Variants in NAV2 observed in about 807,000 individuals in gnomAD.
NAV2 encodes neuron navigator 2, also known as helicase, APC down-regulated 1.
NAV2 carries 54 observed loss-of-function variants against 223.2 expected under a neutral mutation model. That is an observed-to-expected ratio of 0.24 (90% CI 0.19 to 0.30). NAV2 has a LOEUF of 0.30. NAV2 is among the 10% of genes least tolerant of loss of function. The pLI is 1.00. For missense variants in NAV2, 2,806 were observed against 3,147.5 expected (o/e 0.89, Z 2.60); for synonymous variants, 1,279 against 1,239.3 (o/e 1.03, Z -0.67).
intron 1 of NAV2, among the ~76,000 whole-genome samples, chr11:19,370,972 G>A (rs527869772): frequency 2.1e-4 from 32 of 152,218 alleles, no homozygotes; most frequent in Non-Finnish European, 3.4e-4. Context: ...GAAGGTCAGA[G>A]ATGGAGGTTC....
chr11:19,655,853 T>A (rs1166659882), intron 1 of NAV2, among the ~76,000 whole-genome samples: 3 of 151,942 alleles, frequency 2.0e-5, no homozygotes, highest in African/African-American at 7.3e-5. Flanking sequence ...GTAACAAACC[T>A]GCACGTTGTG....
chr11:19,829,734 C>G (rs2059826154), intron 1 of NAV2, among the ~76,000 whole-genome samples: 1 of 152,172 alleles, frequency 6.6e-6, no homozygotes, highest in Non-Finnish European at 1.5e-5. Context: ...CCCCAATTGC[C>G]TTCACTTCCT....
chr11:19,762,581 G>A (rs1448134156), intron 1 of NAV2, among the ~76,000 whole-genome samples: 1 of 150,838 alleles, frequency 6.6e-6, no homozygotes, highest in Non-Finnish European at 1.5e-5. Flanking sequence ...TTGGGTATCA[G>A]CATAGCTGTT....
intron 4 of NAV2, among the ~76,000 whole-genome samples, chr11:19,877,630 G>A (rs757118263): frequency 2.6e-5 from 4 of 151,540 alleles, no homozygotes; most frequent in South Asian, 4.2e-4. Flanking sequence ...CCGCCACCAC[G>A]CCCGGCTAAT....
At chr11:19,763,463 G>A (rs745720313) in intron 1 of NAV2, among the ~76,000 whole-genome samples, 1 of 151,552 alleles carries the variant, frequency 6.6e-6, no homozygotes, top group Admixed American at 6.6e-5. Flanking sequence ...CCCACGGTGT[G>A]GAGTCAGGGC....
At chr11:19,382,299 T>G (rs1212427626) in intron 1 of NAV2, among the ~76,000 whole-genome samples, 1 of 152,188 alleles carries the variant, frequency 6.6e-6, no homozygotes, top group East Asian at 1.9e-4. Flanking sequence ...TCTTTTTCTT[T>G]CGGCCCATGC....
chr11:19,642,825 G>T (rs956695441), intron 1 of NAV2, among the ~76,000 whole-genome samples: 13 of 152,206 alleles, frequency 8.5e-5, no homozygotes, highest in African/African-American at 3.1e-4. Context: ...CATGGCTCCT[G>T]GGAAATGATT....
intron 1 of NAV2, among the ~76,000 whole-genome samples, chr11:19,728,284 A>T (rs2051420484): frequency 6.6e-6 from 1 of 152,224 alleles, no homozygotes; most frequent in South Asian, 2.1e-4. Context: ...AGCAAGCTTC[A>T]TGACTCTGGG....
chr11:19,448,093 A>G (rs1233607917), intron 1 of NAV2, among the ~76,000 whole-genome samples: 1 of 152,180 alleles, frequency 6.6e-6, no homozygotes, highest in East Asian at 1.9e-4. Context: ...GGAGGCAGAC[A>G]TGGAAACAGA....
At chr11:19,379,849 C>T (rs1848775461) in intron 1 of NAV2, among the ~76,000 whole-genome samples, 1 of 152,158 alleles carries the variant, frequency 6.6e-6, no homozygotes, top group African/African-American at 2.4e-5. Context: ...CAGTGTCTTC[C>T]CAGGAAGCAT....
intron 12 of NAV2, among the ~76,000 whole-genome samples, chr11:20,043,566 C>T (rs578017028): frequency 6.6e-5 from 10 of 152,224 alleles, no homozygotes; most frequent in African/African-American, 1.2e-4. Context: ...CTCAACCACC[C>T]GAGTGGGTAG....
chr11:19,912,348 T>C (rs555525059), intron 6 of NAV2, among the ~76,000 whole-genome samples: 55 of 152,372 alleles, frequency 3.6e-4, no homozygotes, highest in African/African-American at 1.3e-3. Context: ...CCCACAGCTT[T>C]GAGCAAATGT....
rs537669142 is a variant in NAV2 at position 20,012,076 on chromosome 11, A to G, written c.2769-23883A>G. ...TGGGGCTACCCTGAACCATTCACAT[A>G]CTTTTTCTATCCGTACTCCATTGTT... On this transcript the variant is annotated intron_variant, in intron 11 of 37. Transcript: ENST00000349880. Among the ~76,000 whole-genome samples, 14 of 152,296 alleles carry G rather than the reference A, an allele frequency of 9.2e-5. No homozygotes were observed. In the South Asian group the frequency reaches 2.9e-3, roughly 32 times the overall value.
chr11:19,699,816 G>A (rs1590110636), intron 1 of NAV2, among the ~76,000 whole-genome samples: 1 of 152,188 alleles, frequency 6.6e-6, no homozygotes, highest in South Asian at 2.1e-4. Context: ...CTCCTGGCCT[G>A]CAAAACTGCA....
intron 1 of NAV2, among the ~76,000 whole-genome samples, chr11:19,779,316 G>A (rs185982362): frequency 1.3e-5 from 2 of 152,326 alleles, no homozygotes; most frequent in South Asian, 2.1e-4. Context: ...CTGCCCCAGA[G>A]CCCAGGCAGG....
rs777975528 is a variant in NAV2 at position 19,646,241 on chromosome 11, A to C, written c.76-186243A>C. ...AGAAAATGCACACCCAGCATCTCTG[A>C]TTATGACTTTATACCAACATGCTTC... On this transcript the variant is annotated intron_variant, in intron 1 of 37. Coordinates refer to the NAV2 transcript ENST00000360655. Among the ~76,000 whole-genome samples, 164 of 152,362 alleles carry C rather than the reference A, an allele frequency of 1.1e-3. 2 individuals carry two copies. The highest frequency in any genetic ancestry group is 3.4e-3 in the Middle Eastern group (1 of 294).
Position 20,099,682 on chromosome 11 carries a change from C to T in NAV2, c.6182-1255C>T, listed in dbSNP as rs577949224. 1.1e-4 allele frequency among the ~76,000 whole-genome samples: 16 copies of T among 152,296 alleles called. No individual in the cohort carries two copies. In the South Asian group the frequency reaches 3.1e-3, roughly 30 times the overall value. ...AAGAGTTGCCTGAGCTGCAGTGATT[C>T]ACTTCAGTGGTACCAGGGGAAGGGG... is the stretch of plus-strand genomic sequence containing the variant. On this transcript the variant is annotated intron_variant, in intron 31 of 37. Transcript: ENST00000349880.
At chr11:19,659,091 A>T (rs1223165998) in intron 1 of NAV2, among the ~76,000 whole-genome samples, 1 of 152,260 alleles carries the variant, frequency 6.6e-6, no homozygotes, top group Non-Finnish European at 1.5e-5. Context: ...GATGGATAAT[A>T]TAAAGAAAAC....
intron 3 of NAV2, among the ~76,000 whole-genome samples, chr11:19,861,150 A>G (rs1164904939): frequency 1.3e-5 from 2 of 152,064 alleles, no homozygotes; most frequent in Non-Finnish European, 2.9e-5. Flanking sequence ...TCTCTTAAAC[A>G]GATATTGTCA....
Sources: allele counts gnomAD v4.1 joint callset (sites outside exome capture counted in the v4.1 genomes callset), GRCh38; gene constraint gnomAD v4.1.1; transcripts MANE v1.5; gene names NCBI Gene and HGNC (gene_info 2026-07-23, HGNC 2026-07-21).